GRIK3: variants seen among roughly 807,000 people sequenced by gnomAD.
GRIK3 encodes the protein glutamate receptor ionotropic, kainate 3.
Under a neutral mutation model 102.5 loss-of-function variants are expected in GRIK3, and 29 were observed. The ratio of observed to expected loss-of-function variants is 0.28; its 90% CI spans 0.21 to 0.39. The LOEUF (loss-of-function observed/expected upper bound fraction) is 0.39, where lower values mean the gene tolerates loss of function less well. GRIK3 is among the 10% of genes least tolerant of loss of function. The pLI, the probability that GRIK3 is intolerant of heterozygous loss-of-function variation, is 1.00. For synonymous variants in GRIK3, 511 were observed against 504.9 expected (o/e 1.01, Z -0.16); for missense variants, 908 against 1,252.4 (o/e 0.73, Z 4.15).
chr1:36,905,499 A>G (rs1641276467), intron 1 of GRIK3, among the ~76,000 whole-genome samples: 1 of 152,004 alleles, frequency 6.6e-6, no homozygotes, highest in African/African-American at 2.4e-5. Context: ...TAATAAGAAA[A>G]AAAAAACAAA....
rs540900727 is a variant in GRIK3 at position 36,931,053 on chromosome 1, T to C, written c.116-39957A>G. Among the ~76,000 whole-genome samples, 45 of 152,290 alleles carry C rather than the reference T, an allele frequency of 3.0e-4. No individual in the cohort carries two copies. The South Asian group carries it at 8.9e-3, about 30-fold the overall frequency. On this transcript the variant is annotated intron_variant, in intron 1 of 15. Transcript: ENST00000373091. ...GCGGGGCCTGCCTTTCTGGTCACCA[T>C]TGCAGCAGCTGATGGAGTCAAGCTC...
At chr1:37,028,346 G>C (rs1266853267) in intron 1 of GRIK3, among the ~76,000 whole-genome samples, 1 of 152,098 alleles carries the variant, frequency 6.6e-6, no homozygotes, top group African/African-American at 2.4e-5. Context: ...CCTCACCCAA[G>C]GGTGAGTCCG....
chr1:36,901,422 G>A (rs982007037), intron 1 of GRIK3, among the ~76,000 whole-genome samples: 2 of 152,068 alleles, frequency 1.3e-5, no homozygotes, highest in Non-Finnish European at 2.9e-5. Flanking sequence ...AGTATCAACA[G>A]GCCAAAGAAG....
chr1:36,989,645 C>A (rs1642344051), intron 1 of GRIK3, among the ~76,000 whole-genome samples: 1 of 152,150 alleles, frequency 6.6e-6, no homozygotes, highest in Non-Finnish European at 1.5e-5. Context: ...CAAGTCTGGG[C>A]CCCCACTGCT....
At chr1:36,974,208 C>T (rs1642172542) in intron 1 of GRIK3, among the ~76,000 whole-genome samples, 1 of 152,208 alleles carries the variant, frequency 6.6e-6, no homozygotes, top group South Asian at 2.1e-4. Flanking sequence ...TTAGGCTGTG[C>T]TTTCAGGGCA....
intron 1 of GRIK3, among the ~76,000 whole-genome samples, chr1:36,940,166 A>C (rs1284147931): frequency 6.6e-6 from 1 of 152,204 alleles, no homozygotes. Context: ...CATCTCATGG[A>C]GAGGAAATGG....
chr1:36,860,031 G>GGTCT lies in GRIK3; in HGVS notation c.787-18_787-15dup. On this transcript the variant is annotated splice_polypyrimidine_tract_variant and intron_variant, in intron 5 of 15. Coordinates refer to ENST00000373091, the MANE Select transcript of GRIK3 (RefSeq NM_000831.4). ...AGCGTAGAGATCCTGGATAGAGAGA[G>GGTCT]GTCTGTGTAAACCAAGGCATGCTCA... is the stretch of plus-strand genomic sequence containing the variant. 6.4e-7 allele frequency: 1 copy of GGTCT among 1,561,574 alleles called. No homozygotes were observed. Among genetic ancestry groups the GGTCT allele is most frequent in the South Asian group, 1.2e-5 (1 of 81,632 alleles).
At chr1:36,876,479 G>A (rs1414799372) in intron 3 of GRIK3, among the ~76,000 whole-genome samples, 1 of 152,168 alleles carries the variant, frequency 6.6e-6, no homozygotes, top group Non-Finnish European at 1.5e-5. Context: ...AGAGAGCTGT[G>A]GCAATACTGA....
intron 13 of GRIK3, among the ~76,000 whole-genome samples, chr1:36,809,152 CCCAT>C (rs56242743): frequency 4.6e-4 from 69 of 151,102 alleles, no homozygotes; most frequent in East Asian, 3.1e-3. Flanking sequence ...TACCCATCAA[CCCAT>C]CCATCCATCC....
intron 10 of GRIK3, among the ~76,000 whole-genome samples, chr1:36,827,445 C>A (rs1642767345): frequency 6.6e-6 from 1 of 152,104 alleles, no homozygotes; most frequent in Non-Finnish European, 1.5e-5. Context: ...CAAGGGGGGA[C>A]CTCCCTCTGA....
intron 1 of GRIK3, among the ~76,000 whole-genome samples, chr1:37,028,907 A>T (rs1642791428): frequency 6.6e-6 from 1 of 152,250 alleles, no homozygotes; most frequent in Non-Finnish European, 1.5e-5. Context: ...TTGAGCACTT[A>T]CTATTTACCC....
chr1:36,823,477 A>G (rs1373170517), intron 11 of GRIK3, among the ~76,000 whole-genome samples: 1 of 116,650 alleles, frequency 8.6e-6, no homozygotes. Flanking sequence ...CGTCTCAAAA[A>G]AAAAAAAAAA....
chr1:36,861,184 C>T (rs1640719982), intron 5 of GRIK3, among the ~76,000 whole-genome samples: 1 of 152,214 alleles, frequency 6.6e-6, no homozygotes, highest in African/African-American at 2.4e-5. Context: ...CTGGTTCCCT[C>T]GTTAGTGAGT....
chr1:36,825,516 C>T, intron 11 of GRIK3, 87 bp downstream of exon 11: 1 of 825,112 alleles, frequency 1.2e-6, no homozygotes, highest in Non-Finnish European at 1.9e-6. Context: ...CTTGGGCTTT[C>T]TGTGCCAGGG....
chr1:36,897,083 G>A (rs1641180553), intron 1 of GRIK3, among the ~76,000 whole-genome samples: 1 of 152,198 alleles, frequency 6.6e-6, no homozygotes, highest in Non-Finnish European at 1.5e-5. Context: ...TCTAAGATCA[G>A]TGACAAGGCT....
At chr1:36,925,470 C>T (rs1235688531) in intron 1 of GRIK3, among the ~76,000 whole-genome samples, 1 of 152,250 alleles carries the variant, frequency 6.6e-6, no homozygotes, top group African/African-American at 2.4e-5. Context: ...TTGATAACAG[C>T]ATTGGCAGCC....
intron 1 of GRIK3, among the ~76,000 whole-genome samples, chr1:36,914,705 A>G (rs75934952): frequency 1.1e-3 from 168 of 152,304 alleles, no homozygotes; most frequent in African/African-American, 3.9e-3. Flanking sequence ...CGGTGAAACT[A>G]TTTGATCTAC....
chr1:36,825,973 T>G, intron 10 of GRIK3, 147 bp from the exon 11 acceptor site: 1 of 600,378 alleles, frequency 1.7e-6, no homozygotes, highest in Non-Finnish European at 2.9e-6. Flanking sequence ...CCACATTTAC[T>G]AACCCTCCTT....
chr1:36,841,862 G>A lies in GRIK3; in HGVS notation c.1404C>T (p.Asp468=), dbSNP rs1430632186. ...GGATGTGGGCCAGCTCCTTTAGCAG[G>A]TCGATGCAGTAGCCCTCGAACCGGT... The part of the protein sequence containing the change: ...GNDRFEGYCI[D]LLKELAHILG... The change falls in exon 10 of 16, where the codon GAC becomes GAT. Residue 468 remains aspartate, a synonymous_variant. Transcript: ENST00000373091. The A allele has an allele frequency of 1.2e-6, 2 of 1,614,042 alleles. No homozygotes were observed. Among genetic ancestry groups the A allele is most frequent in the South Asian group, 1.1e-5 (1 of 91,082 alleles).
Sources: gnomAD v4.1 joint callset for allele counts (sites outside exome capture counted in the v4.1 genomes callset) on GRCh38, gnomAD v4.1.1 for gene constraint, MANE v1.5 for transcripts, NCBI Gene and HGNC (gene_info 2026-07-23, HGNC 2026-07-21) for gene names.